The following SLC6A6 variants were observed in gnomAD, a reference collection of about 807,000 sequenced individuals.
SLC6A6 encodes the protein sodium- and chloride-dependent taurine transporter.
Under a neutral mutation model 68.8 loss-of-function variants are expected in SLC6A6, and 16 were observed. The ratio of observed to expected loss-of-function variants is 0.23; its 90% CI spans 0.16 to 0.35. The LOEUF is 0.35. Ranked by LOEUF, SLC6A6 falls within the 10% of genes least tolerant of loss-of-function variation. SLC6A6 has a pLI of 1.00. For synonymous variants in SLC6A6, 312 were observed against 315.4 expected (o/e 0.99, Z 0.12); for missense variants, 474 against 802.8 (o/e 0.59, Z 4.95).
At chr3:14,415,056 C>T (rs1699333359) in intron 1 of SLC6A6, among the ~76,000 whole-genome samples, 1 of 152,208 alleles carries the variant, frequency 6.6e-6, no homozygotes, top group Non-Finnish European at 1.5e-5. Flanking sequence ...CTAATCCAGC[C>T]CAGACTTCAC....
intron 2 of SLC6A6, among the ~76,000 whole-genome samples, chr3:14,418,611 C>T (rs573503609): frequency 6.6e-6 from 1 of 152,220 alleles, no homozygotes; most frequent in Non-Finnish European, 1.5e-5. Context: ...TCAGCATGCT[C>T]ATATACTGCC....
At chr3:14,407,967 G>A (rs569436961) in intron 1 of SLC6A6, among the ~76,000 whole-genome samples, 2 of 149,074 alleles carry the variant, frequency 1.3e-5, no homozygotes, top group East Asian at 1.9e-4. Flanking sequence ...TTTTTTTATC[G>A]CTGAGTAGTC....
At chr3:14,466,327 C>T (rs929659630) in intron 6 of SLC6A6, among the ~76,000 whole-genome samples, 189 bp from the exon 7 acceptor site, 1 of 146,186 alleles carries the variant, frequency 6.8e-6, no homozygotes, top group Admixed American at 6.8e-5. Context: ...ACCCAGATTA[C>T]AGATGAGGCA....
chr3:14,444,758 T>C (rs1193765671), intron 3 of SLC6A6: 2 of 456,612 alleles, frequency 4.4e-6, no homozygotes, highest in Non-Finnish European at 4.4e-6. Context: ...CCTTTGGGAC[T>C]GTGATGAGTG....
intron 3 of SLC6A6, 58 bp from the exon 4 acceptor site, chr3:14,445,659 T>C: frequency 1.2e-6 from 2 of 1,607,212 alleles, no homozygotes; most frequent in East Asian, 2.2e-5. Context: ...CTTGGGAGCC[T>C]TCTGCGTCGG....
Position 14,441,833 on chromosome 3 carries a change from G to T in SLC6A6, c.-11-1791G>T, listed in dbSNP as rs115252015. Among the ~76,000 whole-genome samples the T allele has an allele frequency of 9.8e-3, 1,499 of 152,372 alleles. 21 individuals are homozygous for T. The highest frequency in any genetic ancestry group is 0.033 in the African/African-American group (1,373 of 41,596). On this transcript the variant is annotated intron_variant, in intron 2 of 14. Transcript: ENST00000622186. ...CAGCTGCCTGTGGATGCCACTCTGGGATCCACCTAACCCAGCAGCTCTTGC... is the reference window on the plus strand; with the variant it reads ...CAGCTGCCTGTGGATGCCACTCTGGTATCCACCTAACCCAGCAGCTCTTGC...
chr3:14,411,887 A>G (rs889444247), intron 1 of SLC6A6, among the ~76,000 whole-genome samples: 1 of 152,218 alleles, frequency 6.6e-6, no homozygotes, highest in Non-Finnish European at 1.5e-5. Flanking sequence ...TCTGTCTGGC[A>G]GGGCTATGGA....
intron 2 of SLC6A6, among the ~76,000 whole-genome samples, chr3:14,419,341 C>G (rs1365678882): frequency 6.6e-6 from 1 of 152,178 alleles, no homozygotes; most frequent in South Asian, 2.1e-4. Flanking sequence ...GGTGTGCGCC[C>G]TCCTCACTGG....
Position 14,481,286 on chromosome 3 carries a change from C to T in SLC6A6, c.1552-385C>T, listed in dbSNP as rs530827773. ...AAAGAGGGCCAGGCAGAGGAAACAG[C>T]CCATGCCAAGACCCAGAGTTCAGTG... On this transcript the variant is annotated intron_variant, in intron 13 of 14. Transcript: ENST00000622186. The surrounding 1 kb of genome is among the most constrained non-coding windows in gnomAD (Gnocchi z 4.7). Among the ~76,000 whole-genome samples the T allele has an allele frequency of 7.9e-5, 12 of 152,176 alleles. No homozygotes were observed. The highest frequency in any genetic ancestry group is 2.9e-4 in the African/African-American group (12 of 41,498).
chr3:14,424,918 G>C (rs556218432), intron 2 of SLC6A6, among the ~76,000 whole-genome samples: 10 of 152,306 alleles, frequency 6.6e-5, no homozygotes, highest in African/African-American at 2.4e-4. Flanking sequence ...CCGCCTGTTT[G>C]ACACACAACA....
chr3:14,452,050 C>T (rs1700263787), intron 5 of SLC6A6, among the ~76,000 whole-genome samples: 2 of 152,178 alleles, frequency 1.3e-5, no homozygotes, highest in Admixed American at 1.3e-4. Context: ...CTCTGGAAGT[C>T]AGGGGTACGA....
chr3:14,441,384 T>C (rs1230820697), intron 2 of SLC6A6, among the ~76,000 whole-genome samples: 1 of 152,064 alleles, frequency 6.6e-6, no homozygotes, highest in African/African-American at 2.4e-5. Flanking sequence ...CAATGCTGGC[T>C]GCTAGGACTA....
chr3:14,415,144 G>C (rs1459099226), intron 1 of SLC6A6, among the ~76,000 whole-genome samples: 1 of 152,180 alleles, frequency 6.6e-6, no homozygotes, highest in Non-Finnish European at 1.5e-5. Context: ...TGAGCTCAGG[G>C]ACCTTGGCTC....
At chr3:14,446,934 A>G (rs1700135258) in intron 4 of SLC6A6, among the ~76,000 whole-genome samples, 1 of 152,174 alleles carries the variant, frequency 6.6e-6, no homozygotes, top group African/African-American at 2.4e-5. Context: ...ACGTAAATCC[A>G]TTTATCCTTA....
In SLC6A6 at chr3:14,402,614, C is replaced by A; in HGVS notation, c.-287C>A. 2.5e-6 allele frequency: 1 copy of A among 397,810 alleles called. No homozygotes were observed. The highest frequency in any genetic ancestry group is 3.6e-5 in the East Asian group (1 of 28,024). 24.6% of individuals were successfully genotyped at this position (397,810 alleles called of 1,614,324 possible). A position where few individuals can be genotyped will look rare whatever the true frequency, so the allele number is the denominator to read the frequency against. ...GCAGGATGGGTGATGCTGAGAGCTG[C>A]CTGCTCAGACAACAGACACGCGAGG... is the stretch of plus-strand genomic sequence containing the variant. On this transcript the variant is annotated 5_prime_UTR_variant, in exon 1 of 15. Coordinates refer to ENST00000622186, the MANE Select transcript of SLC6A6 (RefSeq NM_003043.6). This position sits in a 1 kb window ranked among gnomAD's most constrained non-coding sequence, Gnocchi z 4.8.
chr3:14,484,826 C>T (rs768494573), intron 14 of SLC6A6, 41 bp from the exon 15 acceptor site: 40 of 1,601,668 alleles, frequency 2.5e-5, no homozygotes, highest in Admixed American at 5.0e-5. Context: ...GAGACCAGGC[C>T]GCCTGACGTT....
chr3:14,454,619 A>T (rs544145582), intron 5 of SLC6A6, among the ~76,000 whole-genome samples: 1 of 152,324 alleles, frequency 6.6e-6, no homozygotes, highest in Admixed American at 6.5e-5. Flanking sequence ...ATCCTGATTG[A>T]TGAGATACAT....
chr3:14,471,443 G>A (rs1700750306), intron 9 of SLC6A6, among the ~76,000 whole-genome samples: 1 of 152,202 alleles, frequency 6.6e-6, no homozygotes. Flanking sequence ...AAGGCTCCTT[G>A]TGAGTCATTT....
intron 1 of SLC6A6, among the ~76,000 whole-genome samples, chr3:14,403,434 T>C (rs1699033547): frequency 6.6e-6 from 1 of 152,160 alleles, no homozygotes; most frequent in African/African-American, 2.4e-5. Flanking sequence ...TGGTTGTGTC[T>C]CCAGGTCCCT....
Sources: gnomAD v4.1 joint callset for allele counts (sites outside exome capture counted in the v4.1 genomes callset) on GRCh38, gnomAD v4.1.1 for gene constraint, Gnocchi (gnomAD v3.1) non-coding constraint, MANE v1.5 for transcripts, NCBI Gene and HGNC (gene_info 2026-07-23, HGNC 2026-07-21) for gene names.